Variants in KCNMA1 observed in about 807,000 individuals in gnomAD.
The protein encoded by KCNMA1 is Calcium-activated potassium channel subunit alpha-1.
Under a neutral mutation model 140.0 loss-of-function variants are expected in KCNMA1, and 29 were observed. The ratio of observed to expected loss-of-function variants is 0.21; its 90% CI spans 0.15 to 0.28. The LOEUF is 0.28. Among genes scored for constraint, KCNMA1 ranks in the 10% least tolerant of loss-of-function variants. The pLI is 1.00. For synonymous variants in KCNMA1, 612 were observed against 611.9 expected (o/e 1.00, Z 0.00); for missense variants, 880 against 1,602.2 (o/e 0.55, Z 7.70).
At chr10:77,379,284 T>A (rs1484510933) in intron 2 of KCNMA1, among the ~76,000 whole-genome samples, 9 of 152,150 alleles carry the variant, frequency 5.9e-5, no homozygotes, top group African/African-American at 2.2e-4. Flanking sequence ...AAAAAAGCAA[T>A]GTAATGTTAT....
intron 19 of KCNMA1, among the ~76,000 whole-genome samples, chr10:76,992,694 G>T (rs1434545429): frequency 6.6e-6 from 1 of 152,144 alleles, no homozygotes; most frequent in Non-Finnish European, 1.5e-5. Flanking sequence ...GACCCCCTGA[G>T]GTCAATGGTG....
chr10:77,110,069 T>A (rs1388558711), intron 8 of KCNMA1, 104 bp downstream of exon 8: 2 of 1,007,074 alleles, frequency 2.0e-6, no homozygotes, highest in African/African-American at 3.2e-5. Flanking sequence ...TAAGGCTTGC[T>A]TCTAGTGCAG....
intron 5 of KCNMA1, among the ~76,000 whole-genome samples, chr10:77,123,534 A>G (rs1162166094): frequency 6.6e-6 from 1 of 152,194 alleles, no homozygotes; most frequent in Non-Finnish European, 1.5e-5. Context: ...TTGCTGAGCT[A>G]AAACGACAAA....
At position 77,575,214 on chromosome 10, in the gene KCNMA1, C is replaced by T. The variant is rs970085879; in HGVS notation, c.378+62051G>A. 2.0e-5 allele frequency among the ~76,000 whole-genome samples: 3 copies of T among 152,182 alleles called. No individual in the cohort carries two copies. The East Asian group carries it at 5.8e-4, about 29-fold the overall frequency. On this transcript the variant is annotated intron_variant, in intron 1 of 27. Transcript: ENST00000286628. ...CCACCGTTCCAATGCTAGGACAGTGCTGACAGCATCAGCTCCCTGAATACA... is the reference window on the plus strand; with the variant it reads ...CCACCGTTCCAATGCTAGGACAGTGTTGACAGCATCAGCTCCCTGAATACA...
chr10:77,095,601 C>T lies in KCNMA1; in HGVS notation c.1224-5091G>A, dbSNP rs569514383. 1.6e-3 allele frequency among the ~76,000 whole-genome samples: 242 copies of T among 152,282 alleles called. 2 individuals are homozygous for T. The highest frequency in any genetic ancestry group is 5.4e-3 in the African/African-American group (225 of 41,566). ...AGAAGAAGTTTGATGATTATGAACA[C>T]TATTGAGGGTCACCATAAATTCGCC... On this transcript the variant is annotated intron_variant, in intron 9 of 27. Coordinates refer to ENST00000286628, the MANE Select transcript of KCNMA1 (RefSeq NM_001161352.2).
chr10:77,010,411 C>T (rs1056870444), intron 18 of KCNMA1, among the ~76,000 whole-genome samples: 3 of 150,210 alleles, frequency 2.0e-5, no homozygotes. Context: ...TCATTCTAGG[C>T]CTTGTTCTCT....
intron 1 of KCNMA1, among the ~76,000 whole-genome samples, chr10:77,614,975 CG>C (rs2088819903): frequency 6.6e-6 from 1 of 152,098 alleles, no homozygotes; most frequent in Non-Finnish European, 1.5e-5. Flanking sequence ...AAAGAAGACC[CG>C]GAAGTCTTCA....
intron 19 of KCNMA1, among the ~76,000 whole-genome samples, chr10:76,994,623 A>G (rs1484561477): frequency 6.6e-6 from 1 of 152,138 alleles, no homozygotes; most frequent in African/African-American, 2.4e-5. Context: ...TTTTCAGCAA[A>G]TGTTGGTAGT....
At chr10:77,172,599 A>G (rs897254359) in intron 5 of KCNMA1, among the ~76,000 whole-genome samples, 3 of 152,096 alleles carry the variant, frequency 2.0e-5, no homozygotes, top group African/African-American at 2.4e-5. Flanking sequence ...TCATAGGGAC[A>G]GAACTTAATA....
intron 2 of KCNMA1, among the ~76,000 whole-genome samples, chr10:77,284,540 G>A (rs2069997866): frequency 6.6e-6 from 1 of 152,036 alleles, no homozygotes; most frequent in Admixed American, 6.5e-5. Context: ...TCAAGATGGT[G>A]TCTCTCTATG....
At chr10:77,300,990 C>T (rs2076402198) in intron 2 of KCNMA1, among the ~76,000 whole-genome samples, 1 of 152,156 alleles carries the variant, frequency 6.6e-6, no homozygotes, top group Non-Finnish European at 1.5e-5. Context: ...TAAAAGCTCC[C>T]CAGATGGTTG....
chr10:76,941,116 G>GAGGGAGGGAAGGGA (rs1554961330), intron 23 of KCNMA1, among the ~76,000 whole-genome samples: 2 of 88,596 alleles, frequency 2.3e-5, no homozygotes, highest in Admixed American at 1.2e-4. Context: ...GGGAGGGAGG[G>GAGGGAGGGAAGGGA]AGGGAAGGGA....
chr10:77,115,809 T>C (rs940270395), intron 6 of KCNMA1, among the ~76,000 whole-genome samples: 3 of 152,214 alleles, frequency 2.0e-5, no homozygotes, highest in Non-Finnish European at 4.4e-5. Flanking sequence ...TTTTATGACA[T>C]CAGTATTATC....
intron 2 of KCNMA1, among the ~76,000 whole-genome samples, chr10:77,364,999 A>T (rs2094252336): frequency 6.6e-6 from 1 of 152,212 alleles, no homozygotes; most frequent in Non-Finnish European, 1.5e-5. Context: ...ACTCGGGGAA[A>T]AATTAGGAAA....
At chr10:77,463,263 C>A (rs74818386) in intron 1 of KCNMA1, among the ~76,000 whole-genome samples, 1 of 152,284 alleles carries the variant, frequency 6.6e-6, no homozygotes, top group Non-Finnish European at 1.5e-5. Flanking sequence ...TTTGTTACCT[C>A]CCCACAGTGG....
chr10:77,353,553 T>C (rs2093139717), intron 2 of KCNMA1, among the ~76,000 whole-genome samples: 1 of 152,010 alleles, frequency 6.6e-6, no homozygotes, highest in East Asian at 1.9e-4. Context: ...TCGTGCTTAC[T>C]AGATGCTGTT....
chr10:77,597,021 T>C (rs542496840), intron 1 of KCNMA1, among the ~76,000 whole-genome samples: 3 of 152,302 alleles, frequency 2.0e-5, no homozygotes, highest in Admixed American at 6.5e-5. Context: ...GAGCGAAATC[T>C]AACAGTGTCT....
chr10:77,516,066 G>T (rs1431263160), intron 1 of KCNMA1, among the ~76,000 whole-genome samples: 1 of 152,178 alleles, frequency 6.6e-6, no homozygotes, highest in Non-Finnish European at 1.5e-5. Flanking sequence ...TATACCAGGT[G>T]CATGCGAAGG....
At chr10:77,628,336 G>A (rs1369608841) in intron 1 of KCNMA1, among the ~76,000 whole-genome samples, 1 of 152,148 alleles carries the variant, frequency 6.6e-6, no homozygotes, top group African/African-American at 2.4e-5. Flanking sequence ...GTTAACAGAT[G>A]GAAATTAACT....
Sources: allele counts gnomAD v4.1 joint callset (sites outside exome capture counted in the v4.1 genomes callset), GRCh38; gene constraint gnomAD v4.1.1; transcripts MANE v1.5; gene names NCBI Gene and HGNC (gene_info 2026-07-23, HGNC 2026-07-21).